The following DYNC2H1 variants were observed in gnomAD, a reference collection of about 807,000 sequenced individuals.
DYNC2H1 encodes dynein cytoplasmic 2 heavy chain 1.
Under a neutral mutation model 570.0 loss-of-function variants are expected in DYNC2H1, and 410 were observed. The observed-to-expected ratio is 0.72, with a 90% CI of 0.66 to 0.78. The LOEUF (loss-of-function observed/expected upper bound fraction) is 0.78. Ranked by LOEUF, DYNC2H1 falls within the 30% of genes least tolerant of loss-of-function variation. The pLI is 0.00. For missense variants in DYNC2H1, 4,865 were observed against 5,046.4 expected, an observed-to-expected ratio of 0.96 and a Z score of 1.09; for synonymous variants, 1,688 against 1,677.6, an observed-to-expected ratio of 1.01 and a Z score of -0.15.
intron 28 of DYNC2H1, among the ~76,000 whole-genome samples, chr11:103,159,580 A>G (rs1390662472): frequency 6.6e-6 from 1 of 152,126 alleles, no homozygotes; most frequent in Non-Finnish European, 1.5e-5. Flanking sequence ...GTAATGTCAA[A>G]TGCTTTGATG....
intron 88 of DYNC2H1, among the ~76,000 whole-genome samples, chr11:103,474,850 C>T (rs1392453841): frequency 6.6e-6 from 1 of 152,062 alleles, no homozygotes; most frequent in Admixed American, 6.6e-5. Flanking sequence ...AATGTATTCC[C>T]CATGAATAAG....
At chr11:103,464,649 A>G (rs1945135136) in intron 87 of DYNC2H1, among the ~76,000 whole-genome samples, 3 of 152,214 alleles carry the variant, frequency 2.0e-5, no homozygotes, top group Admixed American at 2.0e-4. Flanking sequence ...AGATGTCAGA[A>G]GACAGTAAAA....
At chr11:103,353,874 A>G (rs1027615005) in intron 82 of DYNC2H1, among the ~76,000 whole-genome samples, 2 of 152,062 alleles carry the variant, frequency 1.3e-5, no homozygotes, top group African/African-American at 2.4e-5. Flanking sequence ...ATTCATTAAT[A>G]TCATTTTTTA....
At position 103,263,045 on chromosome 11, in the gene DYNC2H1, AAG is replaced by A. The variant is rs796700298; in HGVS notation, c.10695+3069_10695+3070del. Among the ~76,000 whole-genome samples the A allele has an allele frequency of 8.8e-3, 1,187 of 135,076 alleles. 35 individuals carry two copies. Among genetic ancestry groups the A allele is most frequent in the African/African-American group, 0.04 (1,121 of 28,044 alleles). 88.6% of individuals were successfully genotyped at this position (135,076 alleles called of 152,430 possible). A position where few individuals can be genotyped will look rare whatever the true frequency, so the allele number is the denominator to read the frequency against. On this transcript the variant is annotated intron_variant, in intron 70 of 88. Transcript: ENST00000375735. Reference sequence around the variant, plus strand: ...AGCAAAAAAAAAAAAAAAAAAAAAAAAGCAGGGTTTGCAATCCTAGTCTCTGA... The same window carrying A: ...AGCAAAAAAAAAAAAAAAAAAAAAAACAGGGTTTGCAATCCTAGTCTCTGA...
At chr11:103,459,969 G>GAA (rs869048472) in intron 87 of DYNC2H1, among the ~76,000 whole-genome samples, 2 of 124,420 alleles carry the variant, frequency 1.6e-5, no homozygotes, top group Non-Finnish European at 3.3e-5. Context: ...AAAAAAAAAA[G>GAA]AAAAAAAAAA....
chr11:103,159,578 A>T (rs533456013), intron 28 of DYNC2H1, among the ~76,000 whole-genome samples: 16 of 152,264 alleles, frequency 1.1e-4, no homozygotes, highest in Non-Finnish European at 1.8e-4. Context: ...CTGTAATGTC[A>T]AATGCTTTGA....
At chr11:103,399,138 G>GTT (rs34549261) in intron 83 of DYNC2H1, among the ~76,000 whole-genome samples, 11,609 of 112,536 alleles carry the variant, frequency 0.1, 1,624 homozygotes, top group East Asian at 0.13. Flanking sequence ...TTCCCACACC[G>GTT]TTTTTTTTTT....
rs111924946 is a variant in DYNC2H1 at position 103,334,467 on chromosome 11, C to A, written c.12039+10477C>A. ...AAATATCAAATGTAAAATTTGGTTT[C>A]ATTCTAACAATTCCATGTAATGAAG... On this transcript the variant is annotated intron_variant, in intron 82 of 88. Coordinates refer to ENST00000375735, the MANE Select transcript of DYNC2H1 (RefSeq NM_001377.3). The surrounding 1 kb of genome is among the most constrained non-coding windows in gnomAD (Gnocchi z 4.3). Among the ~76,000 whole-genome samples the A allele has an allele frequency of 1.3e-5, 2 of 152,004 alleles. No individual in the cohort carries two copies. Among genetic ancestry groups the A allele is most frequent in the Non-Finnish European group, 1.5e-5 (1 of 67,966 alleles).
At chr11:103,265,518 C>T (rs1431560897) in intron 70 of DYNC2H1, among the ~76,000 whole-genome samples, 5 of 152,202 alleles carry the variant, frequency 3.3e-5, no homozygotes, top group East Asian at 3.9e-4. Context: ...TTGTATTCTT[C>T]TCTATACCGA....
At chr11:103,412,557 C>T (rs1943129809) in intron 84 of DYNC2H1, among the ~76,000 whole-genome samples, 1 of 152,012 alleles carries the variant, frequency 6.6e-6, no homozygotes, top group African/African-American at 2.4e-5. Flanking sequence ...TTAATTGAAC[C>T]CCTTTTAAAG....
chr11:103,199,400 T>C lies in DYNC2H1; in HGVS notation c.8012T>C (p.Met2671Thr), dbSNP rs1196317554. The change falls in exon 49 of 89, where the codon ATG (methionine) becomes ACG (threonine). Residue 2671 changes from methionine (M) to threonine (T), a missense_variant. Coordinates refer to ENST00000375735, the MANE Select transcript of DYNC2H1 (RefSeq NM_001377.3). The surrounding 1 kb of genome is among the most constrained non-coding windows in gnomAD (Gnocchi z 4.6). ...ACCATCACTTCTTTAGTCAGTCACA[T>C]GCATGGAGCGGTCCTGTTTTCTCCA... Reference protein sequence around the residue: ...RRTITSLVSHMHGAVLFSPKI... With the variant: ...RRTITSLVSHTHGAVLFSPKI... 21 of 1,612,966 alleles carry C rather than the reference T, an allele frequency of 1.3e-5. No individual in the cohort carries two copies. The highest frequency in any genetic ancestry group is 1.2e-4 in the African/African-American group (9 of 74,894).
At chr11:103,266,292 C>T (rs897347440) in intron 70 of DYNC2H1, among the ~76,000 whole-genome samples, 1 of 151,910 alleles carries the variant, frequency 6.6e-6, no homozygotes, top group Non-Finnish European at 1.5e-5. Context: ...AGCACAGCTG[C>T]GGGGAGGGCA....
intron 81 of DYNC2H1, among the ~76,000 whole-genome samples, chr11:103,322,195 C>G (rs977551836): frequency 3.3e-5 from 5 of 151,992 alleles, no homozygotes; most frequent in Non-Finnish European, 7.4e-5. Context: ...AGTAATGCAC[C>G]TGTGGAGTTT....
At chr11:103,393,750 A>T (rs1188110250) in intron 83 of DYNC2H1, among the ~76,000 whole-genome samples, 2 of 151,938 alleles carry the variant, frequency 1.3e-5, no homozygotes, top group Non-Finnish European at 2.9e-5. Context: ...AATTTATAAA[A>T]GAAAGAGGTT....
chr11:103,367,506 G>T (rs1262994145), intron 83 of DYNC2H1, among the ~76,000 whole-genome samples: 2 of 152,036 alleles, frequency 1.3e-5, no homozygotes, highest in African/African-American at 4.8e-5. Flanking sequence ...GGTGCAATTT[G>T]ATGTTTAAAT....
intron 85 of DYNC2H1, among the ~76,000 whole-genome samples, chr11:103,437,109 A>T (rs1245890621): frequency 6.6e-6 from 1 of 152,074 alleles, no homozygotes; most frequent in Non-Finnish European, 1.5e-5. Flanking sequence ...TGAAGACTCC[A>T]TTCTGTCACT....
chr11:103,272,247 A>G (rs1236569459), intron 70 of DYNC2H1, among the ~76,000 whole-genome samples: 1 of 152,246 alleles, frequency 6.6e-6, no homozygotes, highest in Non-Finnish European at 1.5e-5. Context: ...GCAGCCATAA[A>G]AAATGATGAG....
chr11:103,407,925 G>A (rs186977376), intron 84 of DYNC2H1: 2 of 152,048 alleles, frequency 1.3e-5, no homozygotes, highest in East Asian at 3.9e-4. Context: ...TATCAGAACT[G>A]ATAATAGGAT....
rs958334924 is a variant in DYNC2H1, at chr11:103,249,221, A to G, written c.10042+3847A>G. Among the ~76,000 whole-genome samples the G allele has an allele frequency of 3.3e-5, 5 of 152,032 alleles. No homozygotes were observed. The highest frequency in any genetic ancestry group is 1.2e-4 in the African/African-American group (5 of 41,438). ...TTTAGACAATAAAATATTTATTTTAAAATATTTTCAAAAATGTTTTATCAA... is the reference window on the plus strand; with the variant it reads ...TTTAGACAATAAAATATTTATTTTAGAATATTTTCAAAAATGTTTTATCAA... On this transcript the variant is annotated intron_variant, in intron 65 of 88. Coordinates refer to ENST00000375735, the MANE Select transcript of DYNC2H1 (RefSeq NM_001377.3). The surrounding 1 kb of genome is among the most constrained non-coding windows in gnomAD (Gnocchi z 4.6).
Sources: allele counts gnomAD v4.1 joint callset (sites outside exome capture counted in the v4.1 genomes callset), GRCh38; gene constraint gnomAD v4.1.1; non-coding constraint Gnocchi (gnomAD v3.1); transcripts MANE v1.5; gene names NCBI Gene and HGNC (gene_info 2026-07-23, HGNC 2026-07-21).